Variants in AFF1 observed in about 807,000 individuals in gnomAD.
AFF1 encodes AF4/FMR2 family member 1.
AFF1 carries 48 observed loss-of-function variants against 121.7 expected under a neutral mutation model. The ratio of observed to expected loss-of-function variants is 0.39; its 90% confidence interval spans 0.31 to 0.50. The LOEUF (loss-of-function observed/expected upper bound fraction) is 0.50, where lower values mean the gene tolerates loss of function less well. Among genes scored for constraint, AFF1 ranks in the 20% least tolerant of loss-of-function variants. AFF1 has a pLI of 0.76. For missense variants in AFF1, 1,523 were observed against 1,511.7 expected, an observed-to-expected ratio of 1.01 and a Z score of -0.12; for synonymous variants, 613 against 563.0, an observed-to-expected ratio of 1.09 and a Z score of -1.26.
chr4:87,006,141 ATCTCTT>A (rs1435792877), intron 2 of AFF1, among the ~76,000 whole-genome samples: 1 of 152,180 alleles, frequency 6.6e-6, no homozygotes, highest in Non-Finnish European at 1.5e-5. Flanking sequence ...AATCTGGACT[ATCTCTT>A]TATGAGACGG....
chr4:86,949,248 C>T (rs1056861302), intron 2 of AFF1, among the ~76,000 whole-genome samples: 1 of 147,884 alleles, frequency 6.8e-6, no homozygotes, highest in African/African-American at 2.5e-5. Context: ...GACCTCAGTT[C>T]ACTGCAGCCT....
At chr4:87,093,959 G>A (rs2149721371) in intron 7 of AFF1, among the ~76,000 whole-genome samples, 1 of 152,238 alleles carries the variant, frequency 6.6e-6, no homozygotes, top group South Asian at 2.1e-4. Context: ...TCCTTCTGAG[G>A]AATCACTGTG....
chr4:87,039,315 AG>A (rs1357152595), intron 2 of AFF1, among the ~76,000 whole-genome samples: 8 of 152,258 alleles, frequency 5.3e-5, no homozygotes, highest in Non-Finnish European at 1.5e-5. Flanking sequence ...TTGAAAAGTC[AG>A]TAAATGTGCC....
chr4:87,022,672 A>ATATATAGCTGTGTG (rs1332552257), intron 2 of AFF1, among the ~76,000 whole-genome samples: 1 of 146,616 alleles, frequency 6.8e-6, no homozygotes, highest in Admixed American at 6.8e-5. Context: ...GTGTGTGTAT[A>ATATATAGCTGTGTG]TATATGTGTG....
Position 87,136,967 on chromosome 4 carries a change from C to T in AFF1, c.*1266C>T, listed in dbSNP as rs1373070486. 2 of 220,950 alleles carry T rather than the reference C, an allele frequency of 9.1e-6. No homozygotes were observed. The highest frequency in any genetic ancestry group is 1.8e-5 in the Non-Finnish European group (2 of 110,202). 13.7% of individuals were successfully genotyped at this position (220,950 alleles called of 1,614,324 possible). On this transcript the variant is annotated 3_prime_UTR_variant, in exon 21 of 21. Coordinates refer to ENST00000395146, the MANE Select transcript of AFF1 (RefSeq NM_001166693.3). ...TAGATTTGATTTGGTTGAGGAGGAA[C>T]TGTGGCCCTCCGTAAGTTATTGCCA...
intron 2 of AFF1, among the ~76,000 whole-genome samples, chr4:87,031,958 C>G (rs1193171080): frequency 1.3e-5 from 2 of 152,144 alleles, no homozygotes; most frequent in African/African-American, 4.8e-5. Flanking sequence ...TGATAAATAC[C>G]TTTTGTTTTA....
intron 2 of AFF1, among the ~76,000 whole-genome samples, chr4:87,001,207 CTTTTTTTTTTTT>C (rs34072831): frequency 6.6e-5 from 4 of 60,298 alleles, no homozygotes; most frequent in Non-Finnish European, 1.2e-4. Context: ...CCTTTTTCTA[CTTTTTTTTTTTT>C]TTTTTTTTTT....
intron 4 of AFF1, among the ~76,000 whole-genome samples, chr4:87,078,382 A>G (rs1722872344): frequency 6.6e-6 from 1 of 152,194 alleles, no homozygotes; most frequent in African/African-American, 2.4e-5. Flanking sequence ...CATGCCAGCC[A>G]TTGTTTATGG....
At chr4:87,121,900 G>A (rs1727731927) in intron 12 of AFF1, among the ~76,000 whole-genome samples, 1 of 152,096 alleles carries the variant, frequency 6.6e-6, no homozygotes, top group Admixed American at 6.5e-5. Context: ...CTTCATGTGT[G>A]GTCTATAAGG....
At chr4:87,028,378 A>G (rs1728741133) in intron 2 of AFF1, among the ~76,000 whole-genome samples, 1 of 152,102 alleles carries the variant, frequency 6.6e-6, no homozygotes, top group Non-Finnish European at 1.5e-5. Flanking sequence ...TTGACAGTGC[A>G]TGCATCTGTG....
chr4:87,111,017 T>A (rs13132391), intron 11 of AFF1, among the ~76,000 whole-genome samples: 11,601 of 78,384 alleles, frequency 0.15, 4,108 homozygotes, highest in East Asian at 0.37. Flanking sequence ...TTTTTATTTT[T>A]TTTTTTTTGA....
intron 4 of AFF1, among the ~76,000 whole-genome samples, chr4:87,052,997 T>A (rs1731425387): frequency 6.6e-6 from 1 of 152,034 alleles, no homozygotes; most frequent in Non-Finnish European, 1.5e-5. Context: ...ATTAAGATCA[T>A]GTGTTCGGTT....
chr4:87,061,203 T>C (rs1242731966), intron 4 of AFF1, among the ~76,000 whole-genome samples: 2 of 152,188 alleles, frequency 1.3e-5, no homozygotes, highest in African/African-American at 4.8e-5. Context: ...TCAGGCTGAG[T>C]ATGCCCATCC....
chr4:87,078,403 G>A (rs1182506653), intron 4 of AFF1, among the ~76,000 whole-genome samples: 2 of 152,152 alleles, frequency 1.3e-5, no homozygotes, highest in Non-Finnish European at 2.9e-5. Flanking sequence ...GGTTGCCTCT[G>A]TGTGGCTGGC....
intron 2 of AFF1, among the ~76,000 whole-genome samples, chr4:86,997,351 TC>T (rs1725296811): frequency 6.6e-6 from 1 of 152,248 alleles, no homozygotes; most frequent in Non-Finnish European, 1.5e-5. Context: ...ACTGTGGACT[TC>T]CCAGCCTCCA....
chr4:87,053,654 T>C (rs1250897706), intron 4 of AFF1, among the ~76,000 whole-genome samples: 1 of 152,220 alleles, frequency 6.6e-6, no homozygotes, highest in Non-Finnish European at 1.5e-5. Context: ...TCAGCAATTT[T>C]AACCAAAATA....
intron 2 of AFF1, among the ~76,000 whole-genome samples, chr4:86,995,932 C>T (rs1174219123): frequency 9.2e-5 from 13 of 141,890 alleles, no homozygotes; most frequent in African/African-American, 2.1e-4. Context: ...CCGCCCCGTC[C>T]GGGATGTGAG....
chr4:86,982,848 C>CAAAAAAAAAAA lies in AFF1; in HGVS notation c.38+34294_38+34304dup, dbSNP rs59568294. ...GGGCGACAGAGTAAGACTCTGTCTC[C>CAAAAAAAAAAA]AAAAAAAAAAAAAAAAAAAAAAAAA... is the stretch of plus-strand genomic sequence containing the variant. On this transcript the variant is annotated intron_variant, in intron 2 of 20. Coordinates refer to ENST00000395146, the MANE Select transcript of AFF1 (RefSeq NM_001166693.3). Among the ~76,000 whole-genome samples, 77 of 53,806 alleles carry CAAAAAAAAAAA rather than the reference C, an allele frequency of 1.4e-3. 5 individuals are homozygous for CAAAAAAAAAAA. Among genetic ancestry groups the CAAAAAAAAAAA allele is most frequent in the African/African-American group, 4.8e-3 (71 of 14,714 alleles). 35.3% of individuals were successfully genotyped at this position (53,806 alleles called of 152,430 possible). A position where few individuals can be genotyped will look rare whatever the true frequency, so the allele number is the denominator to read the frequency against.
chr4:87,090,074 A>G lies in AFF1; in HGVS notation c.1191+4A>G, dbSNP rs773525008. On this transcript the variant is annotated splice_donor_region_variant and intron_variant, in intron 6 of 20. Transcript: ENST00000395146. ...CAAGTTTCCTTTCCCTACAAAGGTAATTCCTTAAAAGTATGGCAGGCATTG... is the reference window on the plus strand; with the variant it reads ...CAAGTTTCCTTTCCCTACAAAGGTAGTTCCTTAAAAGTATGGCAGGCATTG... 6.2e-7 allele frequency: 1 copy of G among 1,610,970 alleles called. No homozygotes were observed. Among genetic ancestry groups the G allele is most frequent in the South Asian group, 1.1e-5 (1 of 91,010 alleles).
Sources: allele counts gnomAD v4.1 joint callset (sites outside exome capture counted in the v4.1 genomes callset), GRCh38; gene constraint gnomAD v4.1.1; transcripts MANE v1.5; gene names NCBI Gene and HGNC (gene_info 2026-07-23, HGNC 2026-07-21).